SDK1: variants seen among roughly 807,000 people sequenced by gnomAD.
SDK1 encodes sidekick cell adhesion molecule 1, also known as protein sidekick-1.
SDK1 carries 157 observed loss-of-function variants against 245.5 expected under a neutral mutation model. The observed-to-expected ratio is 0.64, with a 90% CI of 0.56 to 0.73. The LOEUF is 0.73. Ranked by LOEUF, SDK1 falls within the 30% of genes least tolerant of loss-of-function variation. SDK1 has a pLI of 0.00. For missense variants in SDK1, 3,583 were observed against 3,002.3 expected, an observed-to-expected ratio of 1.19 and a Z score of -4.52; for synonymous variants, 1,647 against 1,278.5, an observed-to-expected ratio of 1.29 and a Z score of -6.15.
intron 1 of SDK1, among the ~76,000 whole-genome samples, chr7:3,373,687 T>G (rs1435857750): frequency 5.3e-5 from 8 of 152,186 alleles, no homozygotes; most frequent in Admixed American, 5.2e-4. Flanking sequence ...AAGTAAATAC[T>G]AAATGACAAG....
At chr7:3,497,534 C>T (rs917192652) in intron 1 of SDK1, among the ~76,000 whole-genome samples, 12 of 152,210 alleles carry the variant, frequency 7.9e-5, no homozygotes, top group African/African-American at 2.9e-4. Flanking sequence ...TTGCAAATTG[C>T]AATATAATAC....
intron 36 of SDK1, 127 bp from the exon 37 acceptor site, chr7:4,207,972 C>G (rs1220174241): frequency 1.3e-5 from 9 of 711,012 alleles, no homozygotes; most frequent in Non-Finnish European, 2.2e-5. Flanking sequence ...AGCCTTTCCA[C>G]CTTCCCACCC....
chr7:3,961,279 G>C (rs1197191947), intron 8 of SDK1, among the ~76,000 whole-genome samples: 3 of 152,172 alleles, frequency 2.0e-5, no homozygotes, highest in African/African-American at 7.2e-5. Context: ...CTTTTACCTT[G>C]AAATGGATTT....
chr7:3,489,431 T>G (rs549476817), intron 1 of SDK1, among the ~76,000 whole-genome samples: 1 of 152,234 alleles, frequency 6.6e-6, no homozygotes, highest in African/African-American at 2.4e-5. Context: ...AAAATTCTAC[T>G]CCTGTTAGTA....
Position 3,907,333 on chromosome 7 carries a change from C to T in SDK1, c.848-43590C>T, listed in dbSNP as rs1271769772. On this transcript the variant is annotated intron_variant, in intron 5 of 44. Transcript: ENST00000404826. ...TGGTAGCTGCTTTTCTGCCTAGTGT[C>T]TCTGTGAATTTGCATATTCGAAATA... Among the ~76,000 whole-genome samples the T allele has an allele frequency of 2.6e-5, 4 of 152,166 alleles. No individual in the cohort carries two copies. In the East Asian group the frequency reaches 5.8e-4, roughly 22 times the overall value.
rs529639759 is a variant in SDK1, at chr7:4,096,823, G to A, written c.3325-13840G>A. ...ACATAGGAGCTGAGATTCAGGGGCC[G>A]GGGACACTGAAACCCCCACGGGGGT... is the stretch of plus-strand genomic sequence containing the variant. On this transcript the variant is annotated intron_variant, in intron 22 of 44. Transcript: ENST00000404826. Among the ~76,000 whole-genome samples, 10 of 152,078 alleles carry A rather than the reference G, an allele frequency of 6.6e-5. No homozygotes were observed. In the East Asian group the frequency reaches 1.6e-3, roughly 24 times the overall value.
Position 4,161,870 on chromosome 7 carries a change from G to A in SDK1, c.4800+14G>A, listed in dbSNP as rs1268857363. 6.2e-7 allele frequency: 1 copy of A among 1,610,274 alleles called. No homozygotes were observed. Among genetic ancestry groups the A allele is most frequent in the Non-Finnish European group, 8.5e-7 (1 of 1,176,518 alleles). ...ATACAGTGGCAGGTAAGAGCGCGGG[G>A]AATCACGCGCGTTTTGTCAAATGTG... is the stretch of plus-strand genomic sequence containing the variant. On this transcript the variant is annotated intron_variant, in intron 32 of 44. Transcript: ENST00000404826.
At chr7:4,206,329 G>C (rs1382418100) in intron 36 of SDK1, among the ~76,000 whole-genome samples, 1 of 152,216 alleles carries the variant, frequency 6.6e-6, no homozygotes, top group Non-Finnish European at 1.5e-5. Context: ...CCATTCTGGA[G>C]CCCCCAGTAC....
chr7:4,016,731 A>T (rs1786429207), intron 16 of SDK1, among the ~76,000 whole-genome samples: 1 of 152,064 alleles, frequency 6.6e-6, no homozygotes, highest in Non-Finnish European at 1.5e-5. Context: ...GCAATTCCTA[A>T]ATGGAGCTCT....
At chr7:3,937,625 G>A (rs1467061281) in intron 5 of SDK1, among the ~76,000 whole-genome samples, 1 of 152,186 alleles carries the variant, frequency 6.6e-6, no homozygotes, top group Admixed American at 6.5e-5. Context: ...GCCTCTCAAT[G>A]TTTTGTGTCT....
intron 16 of SDK1, among the ~76,000 whole-genome samples, chr7:4,016,300 C>G (rs887358122): frequency 6.6e-6 from 1 of 152,202 alleles, no homozygotes; most frequent in Admixed American, 6.5e-5. Context: ...AAATTAGAGG[C>G]TTTTGGAAGC....
intron 5 of SDK1, among the ~76,000 whole-genome samples, chr7:3,934,039 C>T (rs528637729): frequency 3.3e-5 from 5 of 152,292 alleles, no homozygotes; most frequent in South Asian, 2.1e-4. Flanking sequence ...ATTCACCAGC[C>T]GCACGGCATC....
At chr7:3,575,781 CAT>C (rs1329051976) in intron 1 of SDK1, among the ~76,000 whole-genome samples, 1 of 152,050 alleles carries the variant, frequency 6.6e-6, no homozygotes, top group Non-Finnish European at 1.5e-5. Flanking sequence ...CCCAGTCTAT[CAT>C]GTGTCATTGA....
intron 1 of SDK1, among the ~76,000 whole-genome samples, chr7:3,513,881 G>A (rs1013750369): frequency 8.5e-5 from 13 of 152,132 alleles, no homozygotes; most frequent in African/African-American, 3.1e-4. Context: ...AGGATATGTG[G>A]TATTTGTTTT....
chr7:4,137,333 C>G (rs975702963), intron 28 of SDK1, among the ~76,000 whole-genome samples: 3 of 152,216 alleles, frequency 2.0e-5, no homozygotes, highest in Admixed American at 6.5e-5. Flanking sequence ...GGATAGAAGT[C>G]TCCAAATTGC....
At chr7:3,851,021 G>C (rs576473008) in intron 5 of SDK1, among the ~76,000 whole-genome samples, 13 of 152,102 alleles carry the variant, frequency 8.5e-5, no homozygotes, top group African/African-American at 2.9e-4. Flanking sequence ...AAAAAAAGAA[G>C]ACACCTTTTA....
intron 1 of SDK1, among the ~76,000 whole-genome samples, chr7:3,307,119 A>G (rs1184992849): frequency 6.6e-6 from 1 of 152,192 alleles, no homozygotes; most frequent in Non-Finnish European, 1.5e-5. Context: ...CTGGTACCCA[A>G]TTATACATTT....
At chr7:4,245,354 T>C (rs1479160501) in intron 43 of SDK1, among the ~76,000 whole-genome samples, 2 of 152,038 alleles carry the variant, frequency 1.3e-5, no homozygotes, top group African/African-American at 2.4e-5. Context: ...GCACCTAAGC[T>C]CCCCGGCCTC....
At chr7:3,619,265 A>T (rs1156843227) in intron 2 of SDK1, 26 bp downstream of exon 2, 3 of 1,585,718 alleles carry the variant, frequency 1.9e-6, no homozygotes, top group South Asian at 1.1e-5. Context: ...AAAAAATAAG[A>T]TCCCATTTCA....
Sources: allele counts gnomAD v4.1 joint callset (sites outside exome capture counted in the v4.1 genomes callset), GRCh38; gene constraint gnomAD v4.1.1; transcripts MANE v1.5; gene names NCBI Gene and HGNC (gene_info 2026-07-23, HGNC 2026-07-21).